The following GALNT13 variants were observed in gnomAD, a reference collection of about 807,000 sequenced individuals.
GALNT13 encodes the protein UDP-GalNAc:polypeptide N-acetylgalactosaminyltransferase 13.
In GALNT13, 28 loss-of-function variants were observed where a neutral mutation model predicts 64.2. The ratio of observed to expected loss-of-function variants is 0.44; its 90% CI spans 0.32 to 0.60. The LOEUF is 0.60. Ranked by LOEUF, GALNT13 falls within the 20% of genes least tolerant of loss-of-function variation. GALNT13 has a pLI of 0.05. For synonymous variants in GALNT13, 214 were observed against 224.6 expected, an observed-to-expected ratio of 0.95 and a Z score of 0.42; for missense variants, 577 against 669.8, an observed-to-expected ratio of 0.86 and a Z score of 1.53.
intron 3 of GALNT13, among the ~76,000 whole-genome samples, chr2:154,117,602 C>T (rs59158928): frequency 0.18 from 27,774 of 152,108 alleles, 4,656 homozygotes; most frequent in East Asian, 0.74. Flanking sequence ...TTAATTTGTT[C>T]CTTTTTATGA....
At chr2:153,187,745 C>T in the GALNT13 span, among the ~76,000 whole-genome samples, 103 of 152,216 alleles carry the variant, frequency 6.8e-4, no homozygotes, top group African/African-American at 1.7e-3. Flanking sequence ...ATTCCTTTAT[C>T]GGACAGAATA....
intron 12 of GALNT13, among the ~76,000 whole-genome samples, chr2:154,442,431 T>C: frequency 6.6e-6 from 1 of 152,048 alleles, no homozygotes; most frequent in East Asian, 1.9e-4. Context: ...TTCACTGTCA[T>C]CTTATATGTG....
At chr2:153,355,821 G>A in the GALNT13 span, among the ~76,000 whole-genome samples, 1 of 152,146 alleles carries the variant, frequency 6.6e-6, no homozygotes, top group African/African-American at 2.4e-5. Flanking sequence ...AAAAGACTGT[G>A]TGACTCATAA....
the GALNT13 span, among the ~76,000 whole-genome samples, chr2:153,441,479 G>C: frequency 6.6e-6 from 1 of 152,274 alleles, no homozygotes; most frequent in African/African-American, 2.4e-5. Flanking sequence ...TTCTAATTCA[G>C]TGAGGAAAGT....
rs561910158 is a variant in GALNT13, at chr2:154,136,820, C to T, written c.143-3517C>T. Among the ~76,000 whole-genome samples the T allele has an allele frequency of 2.2e-4, 33 of 152,082 alleles. 1 individual carries two copies. In the South Asian group the frequency reaches 4.1e-3, roughly 19 times the overall value. ...TAAATTAATCTCTTTTTGAAGTCTA[C>T]GCCAGCTTTGGTATTTGAACATTTC... is the stretch of plus-strand genomic sequence containing the variant. On this transcript the variant is annotated intron_variant, in intron 3 of 12. Transcript: ENST00000392825.
chr2:153,135,864 A>T, the GALNT13 span, among the ~76,000 whole-genome samples: 1 of 152,070 alleles, frequency 6.6e-6, no homozygotes, highest in African/African-American at 2.4e-5. Context: ...ATAAAAAAGA[A>T]TTAATTTTTA....
At position 154,450,610 on chromosome 2, in the gene GALNT13, T is replaced by A; in HGVS notation, c.*59T>A. 1 of 1,418,334 alleles carries A rather than the reference T, an allele frequency of 7.1e-7. No individual in the cohort carries two copies. The highest frequency in any genetic ancestry group is 9.5e-7 in the Non-Finnish European group (1 of 1,057,100). 87.9% of individuals were successfully genotyped at this position (1,418,334 alleles called of 1,614,324 possible). ...GCTTTTGTTTTTCCATTATTTCAAT[T>A]GGGGGAAAATATTAACTTTGCTGAA... On this transcript the variant is annotated 3_prime_UTR_variant, in exon 13 of 13. Transcript: ENST00000392825.
the GALNT13 span, among the ~76,000 whole-genome samples, chr2:153,182,569 C>A: frequency 1.3e-5 from 2 of 152,100 alleles, no homozygotes; most frequent in Admixed American, 1.3e-4. Context: ...AGCCCAGCAT[C>A]CATTAGCTAT....
the GALNT13 span, among the ~76,000 whole-genome samples, chr2:153,683,865 T>C: frequency 6.6e-6 from 1 of 151,656 alleles, no homozygotes; most frequent in African/African-American, 2.4e-5. Flanking sequence ...CCTAGGAACT[T>C]TTGTGTTTTC....
chr2:154,086,484 G>C (rs1218728822), intron 3 of GALNT13, among the ~76,000 whole-genome samples: 1 of 149,608 alleles, frequency 6.7e-6, no homozygotes, highest in Non-Finnish European at 1.5e-5. Context: ...TTAAGATATA[G>C]GTATGGGCAA....
chr2:154,229,355 TTA>T (rs200692713), intron 4 of GALNT13, among the ~76,000 whole-genome samples: 8 of 151,052 alleles, frequency 5.3e-5, no homozygotes, highest in Non-Finnish European at 8.9e-5. Flanking sequence ...GTATGTAATT[TTA>T]TATATATATA....
chr2:153,411,991 A>G, the GALNT13 span, among the ~76,000 whole-genome samples: 65 of 152,316 alleles, frequency 4.3e-4, no homozygotes, highest in South Asian at 0.012. Flanking sequence ...ATCAGCTGCC[A>G]GAAAATATAA....
intron 3 of GALNT13, among the ~76,000 whole-genome samples, chr2:154,000,243 T>G (rs1695811174): frequency 6.6e-6 from 1 of 151,360 alleles, no homozygotes; most frequent in African/African-American, 2.4e-5. Flanking sequence ...AAATTGTATC[T>G]GTTCGTATTT....
At chr2:154,216,636 A>G (rs1053449733) in intron 4 of GALNT13, among the ~76,000 whole-genome samples, 2 of 151,946 alleles carry the variant, frequency 1.3e-5, no homozygotes, top group Non-Finnish European at 2.9e-5. Context: ...TTTGTTCTTA[A>G]TTTAAGACAA....
the GALNT13 span, among the ~76,000 whole-genome samples, chr2:153,686,123 C>T: frequency 6.6e-6 from 1 of 151,780 alleles, no homozygotes; most frequent in Non-Finnish European, 1.5e-5. Flanking sequence ...CTTGGCTGTT[C>T]GGGCTCTTTT....
the GALNT13 span, among the ~76,000 whole-genome samples, chr2:153,305,390 A>G: frequency 3.3e-5 from 5 of 152,062 alleles, no homozygotes; most frequent in Admixed American, 3.3e-4. Context: ...GCTGCCTTTT[A>G]CTGATCTTAA....
chr2:154,066,345 A>G (rs1700461555), intron 3 of GALNT13, among the ~76,000 whole-genome samples: 1 of 152,168 alleles, frequency 6.6e-6, no homozygotes. Flanking sequence ...CTTCCAAAAC[A>G]TGGAAAAAGA....
At chr2:153,760,770 A>T in the GALNT13 span, among the ~76,000 whole-genome samples, 1 of 152,032 alleles carries the variant, frequency 6.6e-6, no homozygotes, top group African/African-American at 2.4e-5. Context: ...TTTCAAAGCT[A>T]ATGTTTTCTT....
chr2:153,533,274 G>A, the GALNT13 span, among the ~76,000 whole-genome samples: 5 of 151,852 alleles, frequency 3.3e-5, no homozygotes, highest in Non-Finnish European at 7.4e-5. Context: ...CTTTTTCAAT[G>A]GAGTTTTGTT....
Sources: gnomAD v4.1 joint callset for allele counts (sites outside exome capture counted in the v4.1 genomes callset) on GRCh38, gnomAD v4.1.1 for gene constraint, MANE v1.5 for transcripts, NCBI Gene and HGNC (gene_info 2026-07-23, HGNC 2026-07-21) for gene names.